PARD3: variants seen among roughly 807,000 people sequenced by gnomAD.
The protein encoded by PARD3 is par-3 family cell polarity regulator.
PARD3 carries 75 observed loss-of-function variants against 155.4 expected under a neutral mutation model. That is an observed-to-expected ratio of 0.48 (90% CI 0.40 to 0.58). The LOEUF (loss-of-function observed/expected upper bound fraction) is 0.58. Ranked by LOEUF, PARD3 falls within the 20% of genes least tolerant of loss-of-function variation. The pLI is 0.00. For synonymous variants in PARD3, 576 were observed against 610.5 expected (o/e 0.94, Z 0.83); for missense variants, 1,642 against 1,721.7 (o/e 0.95, Z 0.82).
intron 2 of PARD3, among the ~76,000 whole-genome samples, chr10:34,564,209 A>G (rs1430333779): frequency 6.6e-6 from 1 of 152,230 alleles, no homozygotes; most frequent in Non-Finnish European, 1.5e-5. Context: ...TATGTCTCAT[A>G]AAATATCAAT....
intron 22 of PARD3, among the ~76,000 whole-genome samples, chr10:34,139,790 C>T (rs1948086848): frequency 6.6e-6 from 1 of 152,132 alleles, no homozygotes; most frequent in African/African-American, 2.4e-5. Context: ...AAAGTGGATA[C>T]AAACAAGTTC....
At position 34,759,444 on chromosome 10, in the gene PARD3, G is replaced by A. The variant is rs972499175; in HGVS notation, c.120+55432C>T. Reference sequence around the variant, plus strand: ...TCACATTTTAGCTAGAACCACCCAAGTATTTCTAAAAGTGACTGGTATCTA... The same window carrying A: ...TCACATTTTAGCTAGAACCACCCAAATATTTCTAAAAGTGACTGGTATCTA... On this transcript the variant is annotated intron_variant, in intron 1 of 24. Transcript: ENST00000374788. 6.6e-5 allele frequency among the ~76,000 whole-genome samples: 10 copies of A among 152,170 alleles called. No homozygotes were observed. The East Asian group carries it at 1.9e-3, about 29-fold the overall frequency.
chr10:34,553,684 T>G (rs1340968857), intron 2 of PARD3, among the ~76,000 whole-genome samples: 4 of 152,180 alleles, frequency 2.6e-5, no homozygotes, highest in Non-Finnish European at 4.4e-5. Context: ...ATACAAAAGC[T>G]TACATGAATC....
Position 34,396,510 on chromosome 10 carries a change from T to C in PARD3, c.890+2820A>G, listed in dbSNP as rs573868101. Among the ~76,000 whole-genome samples, 10 of 152,352 alleles carry C rather than the reference T, an allele frequency of 6.6e-5. No homozygotes were observed. In the East Asian group the frequency reaches 1.9e-3, roughly 29 times the overall value. On this transcript the variant is annotated intron_variant, in intron 7 of 24. Transcript: ENST00000374788. The stretch of plus-strand genomic sequence containing the variant: ...TTGATATTTGAGGTGGTCTGGGTTG[T>C]GTTCCTTCTCTTCAAAATATACAAT...
intron 22 of PARD3, among the ~76,000 whole-genome samples, chr10:34,259,435 T>C (rs1954839214): frequency 6.6e-6 from 1 of 152,172 alleles, no homozygotes; most frequent in African/African-American, 2.4e-5. Context: ...CCTTGGCTCA[T>C]GGTCCCTTCC....
chr10:34,560,293 A>G (rs988031500), intron 2 of PARD3, among the ~76,000 whole-genome samples: 1 of 152,162 alleles, frequency 6.6e-6, no homozygotes, highest in African/African-American at 2.4e-5. Flanking sequence ...GTGCTGGCAT[A>G]TATCAATCAT....
Position 34,487,545 on chromosome 10 carries a change from C to CA in PARD3, c.404-17283dup, listed in dbSNP as rs761649208. Among the ~76,000 whole-genome samples, 7 of 148,954 alleles carry CA rather than the reference C, an allele frequency of 4.7e-5. No individual in the cohort carries two copies. The South Asian group carries it at 6.4e-4, about 14-fold the overall frequency. Reference sequence around the variant, plus strand: ...ACAGATGTTGGAAGGCCCCAGAGAACAAAAAAAAGGGTTTTCTACCAGGAA... The same window carrying CA: ...ACAGATGTTGGAAGGCCCCAGAGAACAAAAAAAAAGGGTTTTCTACCAGGAA... On this transcript the variant is annotated intron_variant, in intron 3 of 24. Coordinates refer to ENST00000374788, the MANE Select transcript of PARD3 (RefSeq NM_001184785.2).
At chr10:34,426,280 A>C (rs1350050972) in intron 5 of PARD3, among the ~76,000 whole-genome samples, 1 of 152,206 alleles carries the variant, frequency 6.6e-6, no homozygotes, top group East Asian at 1.9e-4. Context: ...GATATTTAGC[A>C]CAAACCTTGG....
chr10:34,482,181 C>T (rs1303880219), intron 3 of PARD3, among the ~76,000 whole-genome samples: 2 of 151,460 alleles, frequency 1.3e-5, no homozygotes, highest in East Asian at 1.9e-4. Context: ...CCCACAGGTG[C>T]CCCCCACCAT....
chr10:34,150,092 A>G (rs1345276126), intron 22 of PARD3, among the ~76,000 whole-genome samples: 1 of 152,224 alleles, frequency 6.6e-6, no homozygotes, highest in East Asian at 1.9e-4. Context: ...GTTTCTTGTC[A>G]TATTTTGAAT....
At chr10:34,328,517 AT>A (rs2134211099) in intron 19 of PARD3, among the ~76,000 whole-genome samples, 1 of 152,290 alleles carries the variant, frequency 6.6e-6, no homozygotes, top group African/African-American at 2.4e-5. Context: ...TTTACAAAGG[AT>A]CCCCATGTAC....
Position 34,382,645 on chromosome 10 carries a change from G to A in PARD3, c.1294C>T (p.Pro432Ser), listed in dbSNP as rs777312087. 5.0e-6 allele frequency: 8 copies of A among 1,614,136 alleles called. No homozygotes were observed. The highest frequency in any genetic ancestry group is 6.8e-6 in the Non-Finnish European group (8 of 1,180,036). Residue 432 changes from proline to serine, a missense_variant, in exon 9 of 25, where the codon CCA (proline) becomes TCA (serine). Transcript: ENST00000374788. ...PHSAHPSGKP[P>S]SAPASAPQNV... ...TGAGGTGCCGAGGCTGGAGCGGATGGTGGTTTTCCCGAGGGGTGTGCGCTA... is the reference window on the plus strand; with the variant it reads ...TGAGGTGCCGAGGCTGGAGCGGATGATGGTTTTCCCGAGGGGTGTGCGCTA...
intron 1 of PARD3, among the ~76,000 whole-genome samples, chr10:34,703,508 G>A (rs1257160351): frequency 1.3e-5 from 2 of 151,332 alleles, no homozygotes; most frequent in African/African-American, 4.9e-5. Context: ...AATAAAATTA[G>A]ACCAGTCAAG....
intron 2 of PARD3, among the ~76,000 whole-genome samples, chr10:34,618,342 T>C (rs2091404231): frequency 6.6e-6 from 1 of 152,196 alleles, no homozygotes; most frequent in South Asian, 2.1e-4. Context: ...TTCAAAATAG[T>C]GACTCCCGCA....
intron 2 of PARD3, among the ~76,000 whole-genome samples, chr10:34,551,196 A>G (rs2084526644): frequency 2.6e-5 from 4 of 152,130 alleles, no homozygotes. Context: ...GCACATCCGT[A>G]TGTCAAAGGG....
Position 34,659,723 on chromosome 10 carries a change from G to T in PARD3, c.222+36595C>A, listed in dbSNP as rs111265648. 6.9e-4 allele frequency among the ~76,000 whole-genome samples: 105 copies of T among 152,220 alleles called. 1 individual carries two copies. The highest frequency in any genetic ancestry group is 2.5e-3 in the African/African-American group (102 of 41,552). On this transcript the variant is annotated intron_variant, in intron 2 of 24. Transcript: ENST00000374788. ...GAAAAAGCCACCAAGCTCCACTCAG[G>T]ATAATACTATTAATTTCTAATTCAT...
At chr10:34,111,667 T>C (rs1946389598) in intron 24 of PARD3, 105 bp from the exon 25 acceptor site, 1 of 934,966 alleles carries the variant, frequency 1.1e-6, no homozygotes, top group Non-Finnish European at 1.6e-6. Context: ...TTTCAACAAA[T>C]ATTCCTGTTC....
intron 2 of PARD3, among the ~76,000 whole-genome samples, chr10:34,557,817 C>A (rs941469006): frequency 1.3e-5 from 2 of 151,754 alleles, no homozygotes; most frequent in Non-Finnish European, 2.9e-5. Context: ...ATCTATAGTC[C>A]CAGCTACTTG....
chr10:34,481,038 G>T (rs1386244246), intron 3 of PARD3, among the ~76,000 whole-genome samples: 1 of 151,826 alleles, frequency 6.6e-6, no homozygotes, highest in Non-Finnish European at 1.5e-5. Context: ...CTGACCTCAG[G>T]TGATCCACCC....
Sources: allele counts gnomAD v4.1 joint callset (sites outside exome capture counted in the v4.1 genomes callset), GRCh38; gene constraint gnomAD v4.1.1; transcripts MANE v1.5; gene names NCBI Gene and HGNC (gene_info 2026-07-23, HGNC 2026-07-21).